The following FXN variants were observed in gnomAD, a reference collection of about 807,000 sequenced individuals.
FXN encodes frataxin.
A neutral mutation model predicts 22.4 loss-of-function variants in FXN; 14 were observed. The observed-to-expected ratio is 0.62, with a 90% CI of 0.41 to 0.98. The LOEUF (loss-of-function observed/expected upper bound fraction) is 0.98. Among genes scored for constraint, FXN ranks in the 50% least tolerant of loss-of-function variants. The pLI is 0.00. For missense variants in FXN, 267 were observed against 268.4 expected, an observed-to-expected ratio of 0.99 and a Z score of 0.04; for synonymous variants, 120 against 114.1, an observed-to-expected ratio of 1.05 and a Z score of -0.33.
Position 69,075,502 on chromosome 9 carries a change from C to A in FXN, c.*2740C>A. 2.0e-6 allele frequency: 2 copies of A among 984,564 alleles called. No individual in the cohort carries two copies. Among genetic ancestry groups the A allele is most frequent in the Non-Finnish European group, 2.4e-6 (2 of 829,408 alleles). 61.0% of individuals were successfully genotyped at this position (984,564 alleles called of 1,614,324 possible). A position where few individuals can be genotyped will look rare whatever the true frequency, so the allele number is the denominator to read the frequency against. ...AATAAAGGGACTTCAAACACATGAACAGCAGCCAGGGGAAGAATCAAAATC... is the reference window on the plus strand; with the variant it reads ...AATAAAGGGACTTCAAACACATGAAAAGCAGCCAGGGGAAGAATCAAAATC... On this transcript the variant is annotated 3_prime_UTR_variant, in exon 5 of 5. Coordinates refer to ENST00000484259, the MANE Select transcript of FXN (RefSeq NM_000144.5).
intron 4 of FXN, among the ~76,000 whole-genome samples, chr9:69,067,960 A>G (rs1431297855): frequency 2.6e-5 from 4 of 152,232 alleles, no homozygotes; most frequent in African/African-American, 9.6e-5. Flanking sequence ...AAAATGACTT[A>G]GCCTCTAGTG....
Position 69,078,187 on chromosome 9 carries a change from C to T in FXN, c.*5425C>T. 1.0e-6 allele frequency: 1 copy of T among 984,258 alleles called. No individual in the cohort carries two copies. Among genetic ancestry groups the T allele is most frequent in the Non-Finnish European group, 1.2e-6 (1 of 828,886 alleles). The allele number at this position is 984,258 out of a possible 1,614,324, so 61.0% of individuals were successfully genotyped here. ...TCTGTAAGATTGCCTAGGCTGTGTACTGCACATCTCCAGGTGCCACTGTTG... is the reference window on the plus strand; with the variant it reads ...TCTGTAAGATTGCCTAGGCTGTGTATTGCACATCTCCAGGTGCCACTGTTG... On this transcript the variant is annotated 3_prime_UTR_variant, in exon 5 of 5. Transcript: ENST00000484259.
chr9:69,041,602 G>A (rs571215919), intron 1 of FXN, among the ~76,000 whole-genome samples: 4 of 152,302 alleles, frequency 2.6e-5, no homozygotes, highest in South Asian at 2.1e-4. Context: ...CCTCCCCTGC[G>A]AGGTATGGGT....
chr9:69,050,167 G>A (rs1025210553), intron 2 of FXN, among the ~76,000 whole-genome samples: 3 of 152,136 alleles, frequency 2.0e-5, no homozygotes, highest in Admixed American at 2.0e-4. Flanking sequence ...GTGTATACTT[G>A]TGTATTTCTT....
chr9:69,063,785 G>A (rs1016666262), intron 3 of FXN, among the ~76,000 whole-genome samples: 1 of 152,166 alleles, frequency 6.6e-6, no homozygotes, highest in African/African-American at 2.4e-5. Flanking sequence ...CTGGGCTCAG[G>A]TGATCCTCCC....
At position 69,076,161 on chromosome 9, in the gene FXN, G is replaced by C. The variant is rs551207990; in HGVS notation, c.*3399G>C. The C allele has an allele frequency of 4.5e-4, 443 of 984,766 alleles. 4 individuals carry two copies. In the South Asian group the frequency reaches 0.018, roughly 41 times the overall value. 61.0% of individuals were successfully genotyped at this position (984,766 alleles called of 1,614,324 possible). A position where few individuals can be genotyped will look rare whatever the true frequency, so the allele number is the denominator to read the frequency against. ...CCTGGGTTTTTGAATCACAAATTTA[G>C]AATTTAATCGAAACTCTGCCTCTTA... On this transcript the variant is annotated 3_prime_UTR_variant, in exon 5 of 5. Transcript: ENST00000484259.
At chr9:69,045,986 C>A (rs1330713956) in intron 1 of FXN, among the ~76,000 whole-genome samples, 2 of 152,150 alleles carry the variant, frequency 1.3e-5, no homozygotes, top group African/African-American at 2.4e-5. Flanking sequence ...CCTGAGGCAA[C>A]CCCCAAGGGT....
At chr9:69,037,313 A>AGAAG (rs1564327478) in intron 1 of FXN, among the ~76,000 whole-genome samples, 1 of 148,018 alleles carries the variant, frequency 6.8e-6, no homozygotes, top group Non-Finnish European at 1.5e-5. Context: ...AAAATAAAGA[A>AGAAG]AAGTTAGCCG....
rs1192540386 is a variant in FXN, at chr9:69,077,553, C to G, written c.*4791C>G. 1.0e-6 allele frequency: 1 copy of G among 985,332 alleles called. No homozygotes were observed. Among genetic ancestry groups the G allele is most frequent in the Non-Finnish European group, 1.2e-6 (1 of 829,948 alleles). The allele number at this position is 985,332 out of a possible 1,614,324, so 61.0% of individuals were successfully genotyped here. A position where few individuals can be genotyped will look rare whatever the true frequency, so the allele number is the denominator to read the frequency against. ...CTGAGGCCCCATCCAGGTAGAAGTA[C>G]TAGTGCAAGAAGGGCCTCTGCTGTC... is the stretch of plus-strand genomic sequence containing the variant. On this transcript the variant is annotated 3_prime_UTR_variant, in exon 5 of 5. Coordinates refer to ENST00000484259, the MANE Select transcript of FXN (RefSeq NM_000144.5).
At chr9:69,063,283 C>T (rs1254552716) in intron 3 of FXN, among the ~76,000 whole-genome samples, 1 of 152,124 alleles carries the variant, frequency 6.6e-6, no homozygotes, top group East Asian at 1.9e-4. Context: ...AATGCTTCAT[C>T]TTATAGAAAG....
intron 1 of FXN, 134 bp downstream of exon 1, chr9:69,036,081 C>T (rs1242465288): frequency 7.8e-6 from 6 of 764,904 alleles, no homozygotes; most frequent in Non-Finnish European, 1.0e-5. Flanking sequence ...CGCTCCTTCT[C>T]AGGGCGGCCC....
chr9:69,042,736 C>A (rs997111829), intron 1 of FXN, among the ~76,000 whole-genome samples: 1 of 152,108 alleles, frequency 6.6e-6, no homozygotes, highest in African/African-American at 2.4e-5. Flanking sequence ...AAGGTATCAG[C>A]GACTAAGACA....
At chr9:69,037,903 C>T (rs1346271602) in intron 1 of FXN, among the ~76,000 whole-genome samples, 16 of 152,208 alleles carry the variant, frequency 1.1e-4, no homozygotes, top group Admixed American at 1.0e-3. Context: ...CCGCCCACCT[C>T]GCCCTCCCAA....
intron 1 of FXN, among the ~76,000 whole-genome samples, chr9:69,044,904 C>T (rs1831720385): frequency 6.6e-6 from 1 of 152,232 alleles, no homozygotes; most frequent in Admixed American, 6.5e-5. Flanking sequence ...CAGCAGTCAG[C>T]AGTCAGAGCC....
Position 69,076,577 on chromosome 9 carries a change from A to G in FXN, c.*3815A>G, listed in dbSNP as rs981703918. 1.7e-5 allele frequency: 17 copies of G among 985,444 alleles called. No homozygotes were observed. The African/African-American group carries it at 2.4e-4, about 14-fold the overall frequency. 61.0% of individuals were successfully genotyped at this position (985,444 alleles called of 1,614,324 possible). A position where few individuals can be genotyped will look rare whatever the true frequency, so the allele number is the denominator to read the frequency against. ...AGTTTGCATTAAATTATAGGTTTAC[A>G]ATATGCTTTATCCAGCTATACCTGC... On this transcript the variant is annotated 3_prime_UTR_variant, in exon 5 of 5. Coordinates refer to ENST00000484259, the MANE Select transcript of FXN (RefSeq NM_000144.5).
chr9:69,071,867 A>G (rs894339069), intron 4 of FXN, among the ~76,000 whole-genome samples: 3 of 152,218 alleles, frequency 2.0e-5, no homozygotes, highest in African/African-American at 7.2e-5. Flanking sequence ...GAAAATAAAA[A>G]ACAAAACAAA....
chr9:69,044,998 C>T (rs868153168), intron 1 of FXN, among the ~76,000 whole-genome samples: 12 of 152,282 alleles, frequency 7.9e-5, no homozygotes, highest in Middle Eastern at 3.4e-3. Context: ...ATTGTGGATG[C>T]CTCCCAGCCT....
At chr9:69,067,625 A>G (rs1832194884) in intron 4 of FXN, among the ~76,000 whole-genome samples, 1 of 152,220 alleles carries the variant, frequency 6.6e-6, no homozygotes, top group Non-Finnish European at 1.5e-5. Context: ...AACAACAACA[A>G]CAACAAAAAC....
At position 69,073,986 on chromosome 9, in the gene FXN, C is replaced by A; in HGVS notation, c.*1224C>A. 2.0e-6 allele frequency: 1 copy of A among 491,284 alleles called. No individual in the cohort carries two copies. The highest frequency in any genetic ancestry group is 2.6e-6 in the Non-Finnish European group (1 of 378,858). 30.4% of individuals were successfully genotyped at this position (491,284 alleles called of 1,614,324 possible). ...ATCACCTGAGGTCAGGAGTTCAAGA[C>A]CAGCCTGGCCAACATGATGAAACCC... On this transcript the variant is annotated 3_prime_UTR_variant, in exon 5 of 5. Transcript: ENST00000484259.
Sources: gnomAD v4.1 joint callset for allele counts (sites outside exome capture counted in the v4.1 genomes callset) on GRCh38, gnomAD v4.1.1 for gene constraint, MANE v1.5 for transcripts, NCBI Gene and HGNC (gene_info 2026-07-23, HGNC 2026-07-21) for gene names.